The following CDC20B variants were observed in gnomAD, a reference collection of about 807,000 sequenced individuals.
The protein encoded by CDC20B is cell division cycle protein 20 homolog B.
CDC20B carries 58 observed loss-of-function variants against 64.1 expected under a neutral mutation model. The observed-to-expected ratio is 0.90, with a 90% CI of 0.73 to 1.13. The LOEUF is 1.13. Ranked by LOEUF, CDC20B falls within the 50% of genes most tolerant of loss-of-function variation. The pLI, the probability that CDC20B is intolerant of heterozygous loss-of-function variation, is 0.00. For synonymous variants in CDC20B, 243 were observed against 230.6 expected (o/e 1.05, Z -0.49); for missense variants, 597 against 633.0 (o/e 0.94, Z 0.61).
chr5:55,138,380 C>T (rs920129346), intron 5 of CDC20B, among the ~76,000 whole-genome samples: 23 of 152,040 alleles, frequency 1.5e-4, no homozygotes, highest in African/African-American at 5.3e-4. Flanking sequence ...AGGCTGGTCT[C>T]GAACTCCTGG....
rs138693203 is a variant in CDC20B at position 55,151,666 on chromosome 5, G to A, written c.127-4810C>T. Among the ~76,000 whole-genome samples, 422 of 152,236 alleles carry A rather than the reference G, an allele frequency of 2.8e-3. 3 individuals carry two copies. The highest frequency in any genetic ancestry group is 9.1e-3 in the African/African-American group (377 of 41,540). ...TAGCAGGTCTGAGTTTCTGTGATTC[G>A]TCTACCGTCACTCTGTCCACCCCAA... is the stretch of plus-strand genomic sequence containing the variant. On this transcript the variant is annotated intron_variant, in intron 2 of 11. Coordinates refer to ENST00000381375, the MANE Select transcript of CDC20B (RefSeq NM_001170402.1).
intron 2 of CDC20B, among the ~76,000 whole-genome samples, chr5:55,162,891 A>T (rs1051880368): frequency 6.6e-6 from 1 of 152,228 alleles, no homozygotes; most frequent in African/African-American, 2.4e-5. Flanking sequence ...ATAGAGCCCA[A>T]AGGTTAAGAG....
At chr5:55,125,501 T>C (rs1384643216) in intron 8 of CDC20B, among the ~76,000 whole-genome samples, 5 of 152,344 alleles carry the variant, frequency 3.3e-5, no homozygotes, top group Admixed American at 6.5e-5. Flanking sequence ...TATTAACCTA[T>C]AGATCCATTC....
chr5:55,150,583 T>G (rs1193063046), intron 2 of CDC20B, among the ~76,000 whole-genome samples: 1 of 152,142 alleles, frequency 6.6e-6, no homozygotes, highest in East Asian at 1.9e-4. Flanking sequence ...AGTTTTTCTG[T>G]CTTGTAGTTC....
chr5:55,138,381 G>A (rs989172882), intron 5 of CDC20B, among the ~76,000 whole-genome samples: 10 of 152,144 alleles, frequency 6.6e-5, no homozygotes, highest in Admixed American at 2.6e-4. Flanking sequence ...GGCTGGTCTC[G>A]AACTCCTGGT....
chr5:55,129,909 T>C (rs1742986389), intron 6 of CDC20B, among the ~76,000 whole-genome samples: 1 of 152,186 alleles, frequency 6.6e-6, no homozygotes, highest in Admixed American at 6.5e-5. Context: ...GACTATAACA[T>C]AACATCTACA....
chr5:55,172,058 A>G (rs1281425857), intron 2 of CDC20B, among the ~76,000 whole-genome samples: 2 of 152,268 alleles, frequency 1.3e-5, no homozygotes, highest in Non-Finnish European at 2.9e-5. Flanking sequence ...AAGGCTCTTT[A>G]TGAAACACGT....
intron 5 of CDC20B, chr5:55,137,741 C>G (rs1743221820): frequency 8.9e-6 from 4 of 451,088 alleles, no homozygotes; most frequent in Non-Finnish European, 1.8e-5. Context: ...CAGCAAATGA[C>G]TTTTTTAAGG....
chr5:55,132,663 G>A (rs534649627), intron 6 of CDC20B, among the ~76,000 whole-genome samples: 9 of 152,232 alleles, frequency 5.9e-5, no homozygotes, highest in Admixed American at 1.3e-4. Context: ...TGCATACTCT[G>A]CCATGAATTT....
intron 11 of CDC20B, among the ~76,000 whole-genome samples, chr5:55,116,225 G>C (rs928438328): frequency 2.0e-5 from 3 of 152,086 alleles, no homozygotes; most frequent in Admixed American, 2.0e-4. Context: ...AAAGCAACTT[G>C]ATTTAGTTGT....
In CDC20B at chr5:55,125,045, C is replaced by T; in HGVS notation, c.990-17G>A. 3 of 1,595,306 alleles carry T rather than the reference C, an allele frequency of 1.9e-6. No individual in the cohort carries two copies. Among genetic ancestry groups the T allele is most frequent in the Non-Finnish European group, 2.6e-6 (3 of 1,165,714 alleles). ...CTTGACCCACTGCGAGTTTACATAACAAAAAAATTAAGCCCTGTTGCTACA... is the reference window on the plus strand; with the variant it reads ...CTTGACCCACTGCGAGTTTACATAATAAAAAAATTAAGCCCTGTTGCTACA... On this transcript the variant is annotated splice_polypyrimidine_tract_variant and intron_variant, in intron 8 of 11. Transcript: ENST00000381375.
intron 5 of CDC20B, among the ~76,000 whole-genome samples, chr5:55,136,285 T>C (rs1033909769): frequency 1.3e-5 from 2 of 150,964 alleles, no homozygotes; most frequent in Non-Finnish European, 3.0e-5. Context: ...ACACGGCAGG[T>C]GCAGTGGTTC....
Position 55,129,809 on chromosome 5 carries a change from C to A in CDC20B, c.698-1192G>T, listed in dbSNP as rs10067483. ...GATCTAAGATTTGAAACACCACCCA[C>A]AAATGGCAAGACAAAACTTAAAATG... is the stretch of plus-strand genomic sequence containing the variant. On this transcript the variant is annotated intron_variant, in intron 6 of 11. Coordinates refer to ENST00000381375, the MANE Select transcript of CDC20B (RefSeq NM_001170402.1). 8.4e-3 allele frequency among the ~76,000 whole-genome samples: 1,284 copies of A among 152,314 alleles called. 26 individuals are homozygous for A. The highest frequency in any genetic ancestry group is 0.029 in the African/African-American group (1,204 of 41,556).
intron 11 of CDC20B, among the ~76,000 whole-genome samples, chr5:55,119,450 C>T (rs1328125866): frequency 6.6e-6 from 1 of 152,084 alleles, no homozygotes; most frequent in Non-Finnish European, 1.5e-5. Flanking sequence ...AATGTCTTGC[C>T]CTTTCAGATC....
At chr5:55,119,288 G>A (rs1440013645) in intron 11 of CDC20B, among the ~76,000 whole-genome samples, 3 of 152,126 alleles carry the variant, frequency 2.0e-5, no homozygotes, top group African/African-American at 4.8e-5. Context: ...CCAGAGGACA[G>A]GGCCTGGGTC....
intron 2 of CDC20B, among the ~76,000 whole-genome samples, chr5:55,150,054 C>T (rs867745026): frequency 6.6e-6 from 1 of 152,128 alleles, no homozygotes; most frequent in South Asian, 2.1e-4. Context: ...ATCGCTTGAA[C>T]CCAGGAGGCA....
chr5:55,135,061 A>G (rs961379202), intron 5 of CDC20B, among the ~76,000 whole-genome samples: 7 of 152,216 alleles, frequency 4.6e-5, no homozygotes, highest in Admixed American at 4.6e-4. Context: ...ATGATGTGTC[A>G]GTGTAGGTTC....
chr5:55,150,794 G>C (rs552246909), intron 2 of CDC20B, among the ~76,000 whole-genome samples: 4 of 152,214 alleles, frequency 2.6e-5, no homozygotes, highest in Admixed American at 6.5e-5. Context: ...ACCTAGGCTG[G>C]AGTGCAGCGG....
Position 55,114,930 on chromosome 5 carries a change from G to T in CDC20B, c.1460-612C>A, listed in dbSNP as rs1256405217. Among the ~76,000 whole-genome samples the T allele has an allele frequency of 6.6e-6, 1 of 152,116 alleles. No individual in the cohort carries two copies. Among genetic ancestry groups the T allele is most frequent in the African/African-American group, 2.4e-5 (1 of 41,410 alleles). On this transcript the variant is annotated intron_variant, in intron 11 of 11. Coordinates refer to ENST00000381375, the MANE Select transcript of CDC20B (RefSeq NM_001170402.1). The surrounding 1 kb of genome is among the most constrained non-coding windows in gnomAD (Gnocchi z 4.1). ...CTGAGGTTCCAGAGATTTAGCATGGGTATCCTTTAGGAGACCATTTATCAG... is the reference window on the plus strand; with the variant it reads ...CTGAGGTTCCAGAGATTTAGCATGGTTATCCTTTAGGAGACCATTTATCAG...
Sources: gnomAD v4.1 joint callset for allele counts (sites outside exome capture counted in the v4.1 genomes callset) on GRCh38, gnomAD v4.1.1 for gene constraint, Gnocchi (gnomAD v3.1) non-coding constraint, MANE v1.5 for transcripts, NCBI Gene and HGNC (gene_info 2026-07-23, HGNC 2026-07-21) for gene names.